RGL1: variants seen among roughly 807,000 people sequenced by gnomAD.
RGL1 encodes the protein ral guanine nucleotide dissociation stimulator like 1.
Under a neutral mutation model 95.2 loss-of-function variants are expected in RGL1, and 24 were observed. The observed-to-expected ratio is 0.25, with a 90% CI of 0.18 to 0.35. The LOEUF is 0.35. Among genes scored for constraint, RGL1 ranks in the 10% least tolerant of loss-of-function variants. RGL1 has a pLI of 1.00. For synonymous variants in RGL1, 329 were observed against 344.9 expected, an observed-to-expected ratio of 0.95 and a Z score of 0.51; for missense variants, 715 against 936.3, an observed-to-expected ratio of 0.76 and a Z score of 3.08.
chr1:183,847,398 T>C (rs1255042343), intron 2 of RGL1, among the ~76,000 whole-genome samples, 168 bp from the exon 3 acceptor site: 9 of 152,138 alleles, frequency 5.9e-5, no homozygotes, highest in Admixed American at 5.9e-4. Flanking sequence ...CAAGCTGCAG[T>C]GATCTGTGAT....
chr1:183,874,694 G>A (rs912620113), intron 4 of RGL1, among the ~76,000 whole-genome samples: 10 of 152,142 alleles, frequency 6.6e-5, no homozygotes, highest in South Asian at 2.1e-4. Context: ...ACAATGTAAA[G>A]TGTAAAAAAG....
intron 3 of RGL1, 22 bp downstream of exon 3, chr1:183,847,796 T>C: frequency 1.9e-6 from 3 of 1,596,614 alleles, no homozygotes; most frequent in Non-Finnish European, 2.6e-6. Flanking sequence ...AAGGAGCTTT[T>C]GAGTTGAAAG....
intron 2 of RGL1, among the ~76,000 whole-genome samples, chr1:183,775,794 A>C (rs1659560201): frequency 6.6e-6 from 1 of 152,240 alleles, no homozygotes; most frequent in Admixed American, 6.5e-5. Flanking sequence ...TAGTTAACTC[A>C]GGATTGTCAA....
intron 1 of RGL1, among the ~76,000 whole-genome samples, chr1:183,708,366 C>G (rs1655050139): frequency 6.6e-6 from 1 of 152,172 alleles, no homozygotes; most frequent in East Asian, 1.9e-4. Flanking sequence ...TTCCCCCTCA[C>G]TGATCTCTCC....
At chr1:183,857,805 A>T (rs898234396) in intron 3 of RGL1, among the ~76,000 whole-genome samples, 1 of 152,196 alleles carries the variant, frequency 6.6e-6, no homozygotes, top group Non-Finnish European at 1.5e-5. Context: ...AAGTGGACCC[A>T]ACTGTCACCT....
intron 2 of RGL1, among the ~76,000 whole-genome samples, chr1:183,773,266 T>C (rs1659398046): frequency 1.3e-5 from 2 of 152,268 alleles, no homozygotes; most frequent in African/African-American, 4.8e-5. Context: ...TTATGTACAC[T>C]TATCACATTA....
intron 3 of RGL1, among the ~76,000 whole-genome samples, chr1:183,856,062 T>C (rs1379441148): frequency 6.6e-6 from 1 of 152,168 alleles, no homozygotes; most frequent in Non-Finnish European, 1.5e-5. Flanking sequence ...ATTTATTTAG[T>C]AGAAAAACTT....
intron 1 of RGL1, among the ~76,000 whole-genome samples, chr1:183,667,381 A>G (rs911898608): frequency 1.3e-5 from 2 of 151,978 alleles, no homozygotes; most frequent in Non-Finnish European, 2.9e-5. Flanking sequence ...CTGGAGTGCA[A>G]TGGCGCGATC....
intron 2 of RGL1, among the ~76,000 whole-genome samples, chr1:183,831,695 T>A (rs543252628): frequency 6.6e-6 from 1 of 152,224 alleles, no homozygotes; most frequent in Non-Finnish European, 1.5e-5. Context: ...ACTATAATAA[T>A]GTCACTAGAT....
At chr1:183,900,275 T>G in intron 11 of RGL1, 39 bp downstream of exon 11, 1 of 1,494,952 alleles carries the variant, frequency 6.7e-7, no homozygotes, top group South Asian at 1.1e-5. Context: ...GCCTGCAGCC[T>G]TCCCACTGGA....
At chr1:183,640,491 T>TA (rs1333566557) in intron 1 of RGL1, among the ~76,000 whole-genome samples, 2 of 152,004 alleles carry the variant, frequency 1.3e-5, no homozygotes, top group African/African-American at 2.4e-5. Flanking sequence ...CTTCAAAGAT[T>TA]AAAAAAAATT....
Position 183,748,394 on chromosome 1 carries a change from C to CTTTTTTTTTTTTTT in RGL1, c.132+6121_132+6134dup, listed in dbSNP as rs56920504. 7.2e-5 allele frequency among the ~76,000 whole-genome samples: 5 copies of CTTTTTTTTTTTTTT among 69,680 alleles called. 1 individual carries two copies. The highest frequency in any genetic ancestry group is 2.7e-4 in the African/African-American group (4 of 15,056). 45.7% of individuals were successfully genotyped at this position (69,680 alleles called of 152,430 possible). On this transcript the variant is annotated intron_variant, in intron 2 of 18. Coordinates refer to the RGL1 transcript ENST00000304685. The stretch of plus-strand genomic sequence containing the variant: ...TTTGAATTTGTTTGCTTCTCTAGTT[C>CTTTTTTTTTTTTTT]TTTTTTTTTTTTTTTTTTTTTTTTT...
At chr1:183,827,795 A>G (rs1662975705) in intron 2 of RGL1, among the ~76,000 whole-genome samples, 1 of 152,218 alleles carries the variant, frequency 6.6e-6, no homozygotes, top group African/African-American at 2.4e-5. Context: ...TAAGTTTTTA[A>G]ACTTTACAAT....
intron 2 of RGL1, among the ~76,000 whole-genome samples, chr1:183,807,075 CA>C (rs1262006099): frequency 6.6e-6 from 1 of 152,134 alleles, no homozygotes; most frequent in East Asian, 1.9e-4. Context: ...CTTCTGTAAA[CA>C]GGACTCTTTT....
intron 15 of RGL1, among the ~76,000 whole-genome samples, chr1:183,915,817 A>G (rs542083416): frequency 7.0e-4 from 106 of 152,306 alleles, no homozygotes; most frequent in Non-Finnish European, 1.3e-4. Flanking sequence ...TGGGAACTCG[A>G]CAGTGGGAAT....
chr1:183,814,069 T>C (rs10752920), intron 2 of RGL1, among the ~76,000 whole-genome samples: 16,922 of 152,172 alleles, frequency 0.11, 1,927 homozygotes, highest in East Asian at 0.42. Context: ...TGATTGACTT[T>C]ACTCAGAGAA....
At chr1:183,912,858 T>G (rs545505121) in intron 15 of RGL1, among the ~76,000 whole-genome samples, 1 of 152,338 alleles carries the variant, frequency 6.6e-6, no homozygotes, top group South Asian at 2.1e-4. Flanking sequence ...CTCGCAAGCA[T>G]ATGTCAAGCC....
chr1:183,765,375 C>T (rs1032841698), intron 2 of RGL1, among the ~76,000 whole-genome samples: 2 of 152,146 alleles, frequency 1.3e-5, no homozygotes, highest in South Asian at 4.1e-4. Flanking sequence ...TTTCTGAATT[C>T]TGGATAAATC....
chr1:183,645,576 A>T (rs1016284692), intron 1 of RGL1, among the ~76,000 whole-genome samples: 16 of 152,236 alleles, frequency 1.1e-4, no homozygotes, highest in African/African-American at 3.6e-4. Flanking sequence ...AGAGGGGTGG[A>T]GCAACCCAAT....
Sources: gnomAD v4.1 joint callset for allele counts (sites outside exome capture counted in the v4.1 genomes callset) on GRCh38, gnomAD v4.1.1 for gene constraint, MANE v1.5 for transcripts, NCBI Gene and HGNC (gene_info 2026-07-23, HGNC 2026-07-21) for gene names.